The following PDE3A variants were observed in gnomAD, a reference collection of about 807,000 sequenced individuals.
The protein encoded by PDE3A is phosphodiesterase 3A, also known as cGMP-inhibited 3',5'-cyclic phosphodiesterase 3A.
In PDE3A, 43 loss-of-function variants were observed where a neutral mutation model predicts 98.3. The ratio of observed to expected loss-of-function variants is 0.44; its 90% CI spans 0.34 to 0.56. PDE3A has a LOEUF of 0.56. Among genes scored for constraint, PDE3A ranks in the 20% least tolerant of loss-of-function variants. The pLI, the probability that PDE3A is intolerant of heterozygous loss-of-function variation, is 0.01. For missense variants in PDE3A, 1,427 were observed against 1,440.7 expected (o/e 0.99, Z 0.15); for synonymous variants, 663 against 567.9 (o/e 1.17, Z -2.38).
At chr12:20,581,713 C>T (rs1380096092) in intron 2 of PDE3A, among the ~76,000 whole-genome samples, 3 of 149,918 alleles carry the variant, frequency 2.0e-5, no homozygotes, top group African/African-American at 7.4e-5. Context: ...CCCGGGTTCA[C>T]GCCATTCTCC....
At chr12:20,437,942 G>T (rs1025227242) in intron 1 of PDE3A, among the ~76,000 whole-genome samples, 1 of 150,750 alleles carries the variant, frequency 6.6e-6, no homozygotes, top group African/African-American at 2.4e-5. Context: ...CCCAATTTTA[G>T]CTAAACCTCT....
chr12:20,384,022 T>C (rs909024296), intron 1 of PDE3A, among the ~76,000 whole-genome samples: 2 of 151,942 alleles, frequency 1.3e-5, no homozygotes, highest in African/African-American at 4.8e-5. Flanking sequence ...AGATTTTAAA[T>C]ATATATTGAA....
intron 1 of PDE3A, among the ~76,000 whole-genome samples, chr12:20,500,362 A>T (rs1215158135): frequency 6.6e-6 from 1 of 152,174 alleles, no homozygotes; most frequent in Non-Finnish European, 1.5e-5. Flanking sequence ...ATTATTTTTA[A>T]CTGATGGCAA....
At chr12:20,376,987 T>C (rs1373572) in intron 1 of PDE3A, among the ~76,000 whole-genome samples, 106,406 of 151,686 alleles carry the variant, frequency 0.7, 37,533 homozygotes, top group East Asian at 0.98. Context: ...ATAATAATAA[T>C]ATTACATTAA....
intron 1 of PDE3A, among the ~76,000 whole-genome samples, chr12:20,514,745 A>C (rs1946286177): frequency 6.6e-6 from 1 of 152,212 alleles, no homozygotes; most frequent in Non-Finnish European, 1.5e-5. Context: ...AGCATAATAG[A>C]AAGCACATGG....
At chr12:20,431,401 T>C (rs1944694672) in intron 1 of PDE3A, among the ~76,000 whole-genome samples, 1 of 152,200 alleles carries the variant, frequency 6.6e-6, no homozygotes, top group Non-Finnish European at 1.5e-5. Context: ...GAGGATTGTA[T>C]ACACGATGTA....
chr12:20,449,804 G>T (rs985905874), intron 1 of PDE3A: 2 of 529,958 alleles, frequency 3.8e-6, no homozygotes. Context: ...GTCAGTTTTG[G>T]TTGCTGGCTT....
Position 20,369,695 on chromosome 12 carries a change from C to A in PDE3A, c.411C>A (p.Phe137Leu), listed in dbSNP as rs1019689936. The A allele has an allele frequency of 6.2e-7, 1 of 1,611,700 alleles. No individual in the cohort carries two copies. Among genetic ancestry groups the A allele is most frequent in the Admixed American group, 1.7e-5 (1 of 59,944 alleles). Residue 137 changes from phenylalanine to leucine, a missense_variant, in exon 1 of 16, where the codon TTC (phenylalanine) becomes TTA (leucine). Around this residue, in one of 3 missense-constraint regions of PDE3A, gnomAD observed 1,012 missense variants for 886.5 expected, o/e 1.14. Transcript: ENST00000359062. ...GGCTGCAGCCCTCGGCGCTGCTCTT[C>A]AGTCTCCTGTGTGCCTTCTTCTGGA... Reference protein sequence around the residue: ...SPWLQPSALLFSLLCAFFWMG... With the variant: ...SPWLQPSALLLSLLCAFFWMG...
intron 7 of PDE3A, 135 bp downstream of exon 7, chr12:20,633,913 C>G: frequency 1.8e-6 from 1 of 545,028 alleles, no homozygotes; most frequent in Non-Finnish European, 3.3e-6. Flanking sequence ...TTGGTCAGGT[C>G]GGTCTCAAAC....
intron 15 of PDE3A, among the ~76,000 whole-genome samples, chr12:20,674,839 C>G (rs962455140): frequency 6.6e-6 from 1 of 151,690 alleles, no homozygotes; most frequent in African/African-American, 2.4e-5. Flanking sequence ...TCTCATTTTT[C>G]TTGGTTAGTC....
intron 1 of PDE3A, among the ~76,000 whole-genome samples, chr12:20,380,023 C>G (rs953211746): frequency 3.3e-5 from 5 of 151,862 alleles, no homozygotes; most frequent in Middle Eastern, 3.4e-3. Context: ...TTTTCACATT[C>G]AACTAATAAA....
chr12:20,683,074 A>G lies in PDE3A; in HGVS notation c.*2803A>G, dbSNP rs537388706. On this transcript the variant is annotated 3_prime_UTR_variant, in exon 16 of 16. Transcript: ENST00000359062. ...CTTCATTCCAGAACTGTGTTCAGCAATCCAGGCAGATTGATACATTTTTCT... is the reference window on the plus strand; with the variant it reads ...CTTCATTCCAGAACTGTGTTCAGCAGTCCAGGCAGATTGATACATTTTTCT... 6.6e-6 allele frequency: 1 copy of G among 152,346 alleles called. No homozygotes were observed. Among genetic ancestry groups the G allele is most frequent in the South Asian group, 2.1e-4 (1 of 4,832 alleles). The allele number at this position is 152,346 out of a possible 1,614,324, so 9.4% of individuals were successfully genotyped here. A position where few individuals can be genotyped will look rare whatever the true frequency, so the allele number is the denominator to read the frequency against.
intron 1 of PDE3A, among the ~76,000 whole-genome samples, chr12:20,411,768 C>T (rs1944336879): frequency 6.6e-6 from 1 of 152,164 alleles, no homozygotes; most frequent in African/African-American, 2.4e-5. Context: ...TAACCCCATT[C>T]TTGCTAAAAA....
Position 20,369,178 on chromosome 12 carries a change from A to T in PDE3A, c.-107A>T. ...AAGGATTCCGAGGGTGGAATTGGGAAGAGCGTGCGTGCGTGTGTGTGTGTG... is the reference window on the plus strand; with the variant it reads ...AAGGATTCCGAGGGTGGAATTGGGATGAGCGTGCGTGCGTGTGTGTGTGTG... On this transcript the variant is annotated 5_prime_UTR_variant, in exon 1 of 16. In the 5' UTR this introduces an upstream ATG that the reference lacks. Coordinates refer to ENST00000359062, the MANE Select transcript of PDE3A (RefSeq NM_000921.5). 2 of 631,926 alleles carry T rather than the reference A, an allele frequency of 3.2e-6. No individual in the cohort carries two copies. The highest frequency in any genetic ancestry group is 2.5e-6 in the Non-Finnish European group (1 of 397,950). 39.1% of individuals were successfully genotyped at this position (631,926 alleles called of 1,614,324 possible). A position where few individuals can be genotyped will look rare whatever the true frequency, so the allele number is the denominator to read the frequency against.
Position 20,684,916 on chromosome 12 carries a change from T to A in PDE3A, c.*4645T>A, listed in dbSNP as rs910442663. 2.6e-5 allele frequency among the ~76,000 whole-genome samples: 4 copies of A among 152,244 alleles called. No individual in the cohort carries two copies. Among genetic ancestry groups the A allele is most frequent in the African/African-American group, 9.6e-5 (4 of 41,470 alleles). On this transcript the variant is annotated 3_prime_UTR_variant, in exon 16 of 16. Transcript: ENST00000359062. ...TTGTGTGTTTCACACCAAAGACCCA[T>A]GCTCAGAGAATGGTAACATATTTTC...
At position 20,687,083 on chromosome 12, in the gene PDE3A, A is replaced by G. The variant is rs894676594; in HGVS notation, c.*6812A>G. On this transcript the variant is annotated 3_prime_UTR_variant, in exon 16 of 16. Transcript: ENST00000359062. ...CTACTTGAATAACTTTTGAAGAGAA[A>G]GATTTTCTTTCCGGTAATTTTACTC... Among the ~76,000 whole-genome samples, 1 of 152,116 alleles carries G rather than the reference A, an allele frequency of 6.6e-6. No homozygotes were observed. Among genetic ancestry groups the G allele is most frequent in the Non-Finnish European group, 1.5e-5 (1 of 67,990 alleles).
chr12:20,398,918 C>T (rs540422044), intron 1 of PDE3A, among the ~76,000 whole-genome samples: 19 of 152,216 alleles, frequency 1.2e-4, no homozygotes, highest in Non-Finnish European at 2.2e-4. Context: ...AGTCCACTTC[C>T]GGAACTTTTT....
At chr12:20,617,143 C>A (rs1302604703) in intron 4 of PDE3A, among the ~76,000 whole-genome samples, 1 of 151,912 alleles carries the variant, frequency 6.6e-6, no homozygotes, top group African/African-American at 2.4e-5. Context: ...TATCAATGAC[C>A]TAATGAATGA....
intron 4 of PDE3A, among the ~76,000 whole-genome samples, chr12:20,616,791 C>G (rs1944018743): frequency 1.3e-5 from 2 of 152,114 alleles, no homozygotes; most frequent in Admixed American, 6.5e-5. Flanking sequence ...GACCAGCTGT[C>G]TTAGCGTTGT....
Sources: allele counts gnomAD v4.1 joint callset (sites outside exome capture counted in the v4.1 genomes callset), GRCh38; gene constraint gnomAD v4.1.1; regional missense constraint gnomAD v4.1.1; transcripts MANE v1.5; gene names NCBI Gene and HGNC (gene_info 2026-07-23, HGNC 2026-07-21).